Variants in ZNF398 observed in about 807,000 individuals in gnomAD.
The protein encoded by ZNF398 is zinc finger DNA binding protein ZER6.
ZNF398 carries 18 observed loss-of-function variants against 41.9 expected under a neutral mutation model. The ratio of observed to expected loss-of-function variants is 0.43; its 90% CI spans 0.30 to 0.64. The LOEUF is 0.64. ZNF398 is among the 30% of genes least tolerant of loss of function. The pLI is 0.14. For synonymous variants in ZNF398, 260 were observed against 308.8 expected (o/e 0.84, Z 1.66); for missense variants, 669 against 822.8 (o/e 0.81, Z 2.29).
intron 1 of ZNF398, among the ~76,000 whole-genome samples, chr7:149,148,732 C>G (rs143060867): frequency 3.3e-5 from 5 of 152,176 alleles, no homozygotes; most frequent in African/African-American, 1.2e-4. Flanking sequence ...ATACAAAACT[C>G]TAAATCAAGC....
intron 2 of ZNF398, among the ~76,000 whole-genome samples, chr7:149,135,625 C>T (rs1285875953): frequency 4.0e-5 from 6 of 148,474 alleles, no homozygotes; most frequent in Non-Finnish European, 8.9e-5. Flanking sequence ...TTATCCATGT[C>T]GCTAAACACT....
intron 2 of ZNF398, among the ~76,000 whole-genome samples, chr7:149,136,763 T>G (rs1168944651): frequency 6.6e-6 from 1 of 151,886 alleles, no homozygotes; most frequent in Non-Finnish European, 1.5e-5. Context: ...AGAGACAGGA[T>G]TTCACTGTGT....
intron 1 of ZNF398, among the ~76,000 whole-genome samples, chr7:149,149,369 G>A (rs1027577643): frequency 7.2e-5 from 11 of 152,114 alleles, no homozygotes; most frequent in African/African-American, 2.6e-4. Flanking sequence ...GAGTAGCTGG[G>A]ACTACAGGCG....
At chr7:149,135,122 T>A (rs1339624909) in intron 2 of ZNF398, among the ~76,000 whole-genome samples, 2 of 152,120 alleles carry the variant, frequency 1.3e-5, no homozygotes, top group Non-Finnish European at 1.5e-5. Flanking sequence ...ATTTTCTTAT[T>A]CAGTTTTGAC....
At chr7:149,139,861 C>T (rs531959287) in intron 2 of ZNF398, among the ~76,000 whole-genome samples, 31 of 151,708 alleles carry the variant, frequency 2.0e-4, no homozygotes, top group African/African-American at 5.8e-4. Flanking sequence ...AAAAATTAGC[C>T]GGGCGTGGTG....
In ZNF398 at chr7:149,156,978, C is replaced by T. The variant is rs77369186; in HGVS notation, c.420+2638C>T. ...GAGTCTCAGAAGAACCCAACTTGCCCGAGGTCACATAGTTAATATAAATAA... is the reference window on the plus strand; with the variant it reads ...GAGTCTCAGAAGAACCCAACTTGCCTGAGGTCACATAGTTAATATAAATAA... On this transcript the variant is annotated intron_variant, in intron 2 of 5. Transcript: ENST00000475153. Among the ~76,000 whole-genome samples, 599 of 152,118 alleles carry T rather than the reference C, an allele frequency of 3.9e-3. 3 individuals are homozygous for T. The highest frequency in any genetic ancestry group is 0.014 in the African/African-American group (583 of 41,518).
chr7:149,162,181 C>T (rs998226198), intron 2 of ZNF398, among the ~76,000 whole-genome samples: 20 of 151,694 alleles, frequency 1.3e-4, no homozygotes, highest in African/African-American at 4.1e-4. Context: ...ATTACCACAG[C>T]TGGTTAATTT....
intron 2 of ZNF398, among the ~76,000 whole-genome samples, chr7:149,156,822 C>T (rs910660870): frequency 6.8e-6 from 1 of 147,450 alleles, no homozygotes; most frequent in Non-Finnish European, 1.5e-5. Flanking sequence ...GATTGTACCA[C>T]TGAACTCCAG....
intron 1 of ZNF398, among the ~76,000 whole-genome samples, chr7:149,151,858 C>T (rs1010158025): frequency 6.7e-6 from 1 of 150,324 alleles, no homozygotes; most frequent in Non-Finnish European, 1.5e-5. Flanking sequence ...AGAATCTTGG[C>T]TCACTGTAAC....
At chr7:149,166,548 G>A (rs1395562169) in intron 3 of ZNF398, among the ~76,000 whole-genome samples, 1 of 152,184 alleles carries the variant, frequency 6.6e-6, no homozygotes, top group Non-Finnish European at 1.5e-5. Flanking sequence ...TTGGAAAGGA[G>A]CTTGACTTCT....
chr7:149,160,859 A>G (rs1384429366), intron 2 of ZNF398, among the ~76,000 whole-genome samples: 1 of 152,046 alleles, frequency 6.6e-6, no homozygotes. Context: ...GTATCCTTTC[A>G]GTACCCCATA....
At chr7:149,176,189 A>C (rs1014503584) in intron 4 of ZNF398, among the ~76,000 whole-genome samples, 9 of 151,922 alleles carry the variant, frequency 5.9e-5, no homozygotes, top group Non-Finnish European at 1.2e-4. Context: ...AAATTTAAAA[A>C]AAACTTAGCT....
At chr7:149,128,301 T>C (rs116579884) in intron 1 of ZNF398, among the ~76,000 whole-genome samples, 1,699 of 152,226 alleles carry the variant, frequency 0.011, 30 homozygotes, top group African/African-American at 0.039. Context: ...GATTCAGCGA[T>C]TTTCTGATTG....
intron 4 of ZNF398, among the ~76,000 whole-genome samples, chr7:149,171,221 A>G (rs935850233): frequency 6.6e-6 from 1 of 151,294 alleles, no homozygotes; most frequent in Non-Finnish European, 1.5e-5. Flanking sequence ...TATACTTATA[A>G]TACTACTTTA....
At chr7:149,169,012 T>C (rs1795278560) in intron 4 of ZNF398, among the ~76,000 whole-genome samples, 1 of 152,166 alleles carries the variant, frequency 6.6e-6, no homozygotes, top group South Asian at 2.1e-4. Flanking sequence ...ATTGGGTATA[T>C]TTCTTTGGTC....
At chr7:149,161,573 GCAAAA>G (rs1327382002) in intron 2 of ZNF398, among the ~76,000 whole-genome samples, 3 of 152,076 alleles carry the variant, frequency 2.0e-5, no homozygotes, top group Admixed American at 2.0e-4. Context: ...TTAAAAACAA[GCAAAA>G]CAAAACAAAA....
rs1183885551 is a variant in ZNF398 at position 149,127,153 on chromosome 7, G to A, written c.-612+498G>A. On this transcript the variant is annotated intron_variant, in intron 1 of 6. Coordinates refer to the ZNF398 transcript ENST00000426851. Reference sequence around the variant, plus strand: ...GGGAAGACGCAGAAGGGGAAACCAGGGAGAGACAGAAAGGAGAGAGAGGGC... The same window carrying A: ...GGGAAGACGCAGAAGGGGAAACCAGAGAGAGACAGAAAGGAGAGAGAGGGC... Among the ~76,000 whole-genome samples, 3 of 152,170 alleles carry A rather than the reference G, an allele frequency of 2.0e-5. No individual in the cohort carries two copies. In the South Asian group the frequency reaches 6.2e-4, roughly 31 times the overall value.
At chr7:149,127,768 A>G (rs1826517300) in intron 1 of ZNF398, among the ~76,000 whole-genome samples, 2 of 152,230 alleles carry the variant, frequency 1.3e-5, no homozygotes, top group African/African-American at 4.8e-5. Context: ...TTGGGTGTAA[A>G]GTTCTATGAA....
intron 2 of ZNF398, among the ~76,000 whole-genome samples, chr7:149,138,673 A>G (rs1423840114): frequency 6.6e-6 from 1 of 152,200 alleles, no homozygotes; most frequent in Non-Finnish European, 1.5e-5. Context: ...ACATATATAT[A>G]TTTATATAAA....
Sources: allele counts gnomAD v4.1 joint callset (sites outside exome capture counted in the v4.1 genomes callset), GRCh38; gene constraint gnomAD v4.1.1; transcripts MANE v1.5; gene names NCBI Gene and HGNC (gene_info 2026-07-23, HGNC 2026-07-21).